PCCA: variants seen among roughly 807,000 people sequenced by gnomAD.
PCCA encodes propionyl-CoA carboxylase alpha chain, mitochondrial.
Under a neutral mutation model 101.3 loss-of-function variants are expected in PCCA, and 74 were observed. That is an observed-to-expected ratio of 0.73 (90% CI 0.61 to 0.89). The LOEUF (loss-of-function observed/expected upper bound fraction) is 0.89, where lower values mean the gene tolerates loss of function less well. Among genes scored for constraint, PCCA ranks in the 40% least tolerant of loss-of-function variants. PCCA has a pLI of 0.00. For synonymous variants in PCCA, 294 were observed against 313.6 expected, an observed-to-expected ratio of 0.94 and a Z score of 0.66; for missense variants, 891 against 907.0, an observed-to-expected ratio of 0.98 and a Z score of 0.23.
chr13:100,150,784 C>T lies in PCCA; in HGVS notation c.301-4195C>T. ...AAGCCCCACAGTGGCGTCCAGCTTG[C>T]TCCTCTGCAACGGACTGAAGGCTTG... On this transcript the variant is annotated intron_variant, in intron 4 of 23. Transcript: ENST00000376285. 4 of 1,587,014 alleles carry T rather than the reference C, an allele frequency of 2.5e-6. No individual in the cohort carries two copies. The South Asian group carries it at 3.3e-5, about 13-fold the overall frequency.
intron 6 of PCCA, among the ~76,000 whole-genome samples, chr13:100,183,009 T>C (rs2056938775): frequency 6.6e-6 from 1 of 152,228 alleles, no homozygotes; most frequent in Admixed American, 6.5e-5. Flanking sequence ...AGTATGATAA[T>C]TGCAGCAATC....
chr13:100,457,393 AAATCAGC>A (rs2081823575), intron 21 of PCCA, among the ~76,000 whole-genome samples: 1 of 152,158 alleles, frequency 6.6e-6, no homozygotes, highest in Non-Finnish European at 1.5e-5. Flanking sequence ...GCTGGCTGAC[AAATCAGC>A]CTGCGACATT....
intron 19 of PCCA, among the ~76,000 whole-genome samples, chr13:100,406,026 A>G (rs372346077): frequency 6.6e-6 from 1 of 151,920 alleles, no homozygotes; most frequent in African/African-American, 2.4e-5. Flanking sequence ...CGGCCTCCCA[A>G]AGTGCTGGGA....
At chr13:100,488,380 C>T (rs934065527) in intron 21 of PCCA, among the ~76,000 whole-genome samples, 10 of 152,102 alleles carry the variant, frequency 6.6e-5, no homozygotes, top group Non-Finnish European at 1.5e-4. Flanking sequence ...AGGTGTGAGC[C>T]GGCCGACCCT....
intron 21 of PCCA, among the ~76,000 whole-genome samples, chr13:100,502,840 G>T (rs796749222): frequency 6.6e-6 from 1 of 152,274 alleles, no homozygotes; most frequent in African/African-American, 2.4e-5. Context: ...CACGCTGTTG[G>T]GGTTAATTAG....
intron 6 of PCCA, among the ~76,000 whole-genome samples, chr13:100,164,453 G>A (rs2054827344): frequency 2.6e-5 from 4 of 152,136 alleles, no homozygotes; most frequent in Admixed American, 2.6e-4. Context: ...GGTTACAGCA[G>A]GCTGTTTCAG....
chr13:100,374,891 T>G (rs575018287), intron 19 of PCCA, among the ~76,000 whole-genome samples: 1 of 152,216 alleles, frequency 6.6e-6, no homozygotes, highest in East Asian at 1.9e-4. Context: ...ATCTTAGTTA[T>G]TTCTTGTCTT....
chr13:100,132,310 G>GACTCCCTTGTGAGTCATTACCCCTCAC (rs1487535839), intron 4 of PCCA, among the ~76,000 whole-genome samples: 7 of 152,216 alleles, frequency 4.6e-5, no homozygotes, highest in Non-Finnish European at 1.5e-5. Flanking sequence ...TTACCCCTCA[G>GACTCCCTTGTGAGTCATTACCCCTCAC]ACTCCCTTGT....
intron 20 of PCCA, among the ~76,000 whole-genome samples, chr13:100,430,937 C>A (rs1468509841): frequency 6.6e-6 from 1 of 152,156 alleles, no homozygotes; most frequent in Non-Finnish European, 1.5e-5. Context: ...ATGAATGCCC[C>A]CAAAAACCCA....
chr13:100,468,039 A>G lies in PCCA; in HGVS notation c.1899+18734A>G, dbSNP rs151235631. Among the ~76,000 whole-genome samples, 855 of 152,376 alleles carry G rather than the reference A, an allele frequency of 5.6e-3. 7 individuals carry two copies. The highest frequency in any genetic ancestry group is 0.019 in the African/African-American group (798 of 41,588). On this transcript the variant is annotated intron_variant, in intron 21 of 23. Coordinates refer to ENST00000376285, the MANE Select transcript of PCCA (RefSeq NM_000282.4). ...CGGAATGGATGTCGTGTTAGCAGGCACAAAAACCACATTCATCTCCTTGTA... is the reference window on the plus strand; with the variant it reads ...CGGAATGGATGTCGTGTTAGCAGGCGCAAAAACCACATTCATCTCCTTGTA...
chr13:100,375,410 C>T (rs2075840084), intron 19 of PCCA, among the ~76,000 whole-genome samples: 1 of 152,106 alleles, frequency 6.6e-6, no homozygotes, highest in Admixed American at 6.5e-5. Context: ...GAGTTCAAGT[C>T]CTGAATATCC....
chr13:100,142,526 G>A (rs1330483346), intron 4 of PCCA, among the ~76,000 whole-genome samples: 1 of 148,966 alleles, frequency 6.7e-6, no homozygotes, highest in East Asian at 2.0e-4. Context: ...CCAGGCTGGC[G>A]TGCAGTGGCA....
chr13:100,236,128 A>C (rs985567306), intron 8 of PCCA, among the ~76,000 whole-genome samples: 4 of 152,244 alleles, frequency 2.6e-5, no homozygotes, highest in Non-Finnish European at 4.4e-5. Context: ...AATTCAAAGA[A>C]GGAATTGTCT....
chr13:100,501,663 G>A (rs1357239736), intron 21 of PCCA, among the ~76,000 whole-genome samples: 1 of 152,076 alleles, frequency 6.6e-6, no homozygotes, highest in Non-Finnish European at 1.5e-5. Context: ...CACGAGGTCA[G>A]GAGTTTGAGG....
chr13:100,413,764 C>T (rs923915003), intron 19 of PCCA, among the ~76,000 whole-genome samples: 3 of 152,156 alleles, frequency 2.0e-5, no homozygotes, highest in Admixed American at 6.5e-5. Context: ...CGACCATTCA[C>T]GGCAATACTG....
chr13:100,232,649 G>A (rs1023059630), intron 7 of PCCA, among the ~76,000 whole-genome samples: 1 of 152,088 alleles, frequency 6.6e-6, no homozygotes, highest in African/African-American at 2.4e-5. Flanking sequence ...CCAAAGTGCT[G>A]GGATTACAGG....
At chr13:100,465,442 A>T (rs1266782205) in intron 21 of PCCA, among the ~76,000 whole-genome samples, 2 of 152,224 alleles carry the variant, frequency 1.3e-5, no homozygotes, top group Admixed American at 1.3e-4. Flanking sequence ...GTGACATGAT[A>T]GGATCTAAAG....
chr13:100,288,813 C>T (rs1048379158), intron 12 of PCCA, among the ~76,000 whole-genome samples: 6 of 150,984 alleles, frequency 4.0e-5, no homozygotes. Context: ...TCCCTTCCTC[C>T]TTCCTTCTTT....
At chr13:100,329,498 G>A (rs1426481152) in intron 16 of PCCA, among the ~76,000 whole-genome samples, 4 of 152,146 alleles carry the variant, frequency 2.6e-5, no homozygotes, top group Non-Finnish European at 5.9e-5. Context: ...AAAGCTACAT[G>A]AGAAGTTGCT....
Sources: allele counts gnomAD v4.1 joint callset (sites outside exome capture counted in the v4.1 genomes callset), GRCh38; gene constraint gnomAD v4.1.1; transcripts MANE v1.5; gene names NCBI Gene and HGNC (gene_info 2026-07-23, HGNC 2026-07-21).